PARP8: variants seen among roughly 807,000 people sequenced by gnomAD.
PARP8 encodes protein mono-ADP-ribosyltransferase PARP8.
In PARP8, 51 loss-of-function variants were observed where a neutral mutation model predicts 124.1. The ratio of observed to expected loss-of-function variants is 0.41; its 90% confidence interval spans 0.33 to 0.52. The LOEUF (loss-of-function observed/expected upper bound fraction) is 0.52. PARP8 is among the 20% of genes least tolerant of loss of function. The probability of loss-of-function intolerance (pLI) is 0.21; values close to 1 mark genes in which losing one functional copy is unlikely to be tolerated. For missense variants in PARP8, 860 were observed against 1,018.9 expected, an observed-to-expected ratio of 0.84 and a Z score of 2.12; for synonymous variants, 391 against 361.5, an observed-to-expected ratio of 1.08 and a Z score of -0.93.
chr5:50,691,544 C>T (rs565193792), intron 2 of PARP8, among the ~76,000 whole-genome samples: 13 of 152,276 alleles, frequency 8.5e-5, no homozygotes, highest in African/African-American at 2.9e-4. Context: ...AATTTAATGA[C>T]ACCTTCTGTT....
intron 18 of PARP8, 53 bp downstream of exon 18, chr5:50,825,028 T>G: frequency 3.5e-6 from 5 of 1,430,380 alleles, no homozygotes; most frequent in Non-Finnish European, 3.9e-6. Context: ...TTCTACTGCT[T>G]GATTTAAGGA....
intron 7 of PARP8, among the ~76,000 whole-genome samples, chr5:50,764,450 G>A (rs1426586802): frequency 6.6e-6 from 1 of 152,132 alleles, no homozygotes; most frequent in East Asian, 1.9e-4. Flanking sequence ...ATTTCAATTG[G>A]GAAGTATGGC....
intron 14 of PARP8, among the ~76,000 whole-genome samples, chr5:50,810,766 C>A (rs1744348075): frequency 6.6e-6 from 1 of 151,956 alleles, no homozygotes; most frequent in African/African-American, 2.4e-5. Flanking sequence ...AAACTAAAGT[C>A]ATTTACGTCT....
At chr5:50,763,700 A>G (rs1760783198) in intron 7 of PARP8, among the ~76,000 whole-genome samples, 1 of 150,272 alleles carries the variant, frequency 6.7e-6, no homozygotes, top group Admixed American at 6.7e-5. Flanking sequence ...TTCTGTAGTT[A>G]CCTAATATAT....
At chr5:50,716,324 A>G (rs1755313733) in intron 2 of PARP8, among the ~76,000 whole-genome samples, 1 of 152,134 alleles carries the variant, frequency 6.6e-6, no homozygotes, top group African/African-American at 2.4e-5. Context: ...GAGTTTAATG[A>G]TCTAATTGGC....
chr5:50,761,979 G>C, intron 6 of PARP8, 81 bp downstream of exon 6: 2 of 813,484 alleles, frequency 2.5e-6, no homozygotes. Context: ...GTGCCTGAGA[G>C]TTAAGGGACC....
chr5:50,667,724 C>A (rs1270137766), intron 1 of PARP8: 6 of 701,434 alleles, frequency 8.6e-6, no homozygotes, highest in Non-Finnish European at 1.6e-5. Flanking sequence ...TCCCAAGGCA[C>A]CCAGCGCCCC....
chr5:50,689,603 T>C (rs1425507594), intron 2 of PARP8, among the ~76,000 whole-genome samples: 3 of 152,226 alleles, frequency 2.0e-5, no homozygotes, highest in African/African-American at 7.2e-5. Context: ...ACATTAGTCA[T>C]GTATACCTGA....
chr5:50,782,461 G>A (rs1305209450), intron 9 of PARP8, among the ~76,000 whole-genome samples: 10 of 152,248 alleles, frequency 6.6e-5, no homozygotes, highest in South Asian at 4.1e-4. Context: ...TATAATATAT[G>A]AATAGAACTG....
At chr5:50,710,149 A>G (rs1420351022) in intron 2 of PARP8, among the ~76,000 whole-genome samples, 1 of 151,688 alleles carries the variant, frequency 6.6e-6, no homozygotes, top group Non-Finnish European at 1.5e-5. Context: ...TTGTGCTTTC[A>G]TTTTATTACA....
intron 21 of PARP8, among the ~76,000 whole-genome samples, chr5:50,829,482 G>A (rs982033964): frequency 6.6e-6 from 1 of 152,118 alleles, no homozygotes; most frequent in African/African-American, 2.4e-5. Context: ...AATGTAACAG[G>A]ATAAGAACAG....
intron 2 of PARP8, among the ~76,000 whole-genome samples, chr5:50,701,847 C>T (rs1460184516): frequency 6.6e-6 from 1 of 151,992 alleles, no homozygotes; most frequent in Non-Finnish European, 1.5e-5. Context: ...AGAAATTCTT[C>T]GTTTCTTATT....
At position 50,837,997 on chromosome 5, in the gene PARP8, C is replaced by T. The variant is rs145107801; in HGVS notation, c.2462+2982C>T. Among the ~76,000 whole-genome samples the T allele has an allele frequency of 6.7e-3, 1,010 of 150,322 alleles. 9 individuals are homozygous for T. Among genetic ancestry groups the T allele is most frequent in the Non-Finnish European group, 7.6e-3 (511 of 67,248 alleles). ...ACCTTGAAACGCATGTGTACTAGGA[C>T]ATTGAGACCCATATGTAGAAATTAG... On this transcript the variant is annotated intron_variant, in intron 25 of 25. Transcript: ENST00000281631.
intron 10 of PARP8, among the ~76,000 whole-genome samples, chr5:50,792,854 A>T (rs1463854534): frequency 6.6e-6 from 1 of 152,144 alleles, no homozygotes; most frequent in Non-Finnish European, 1.5e-5. Flanking sequence ...TTCTGAATTT[A>T]TCAAAACTAG....
Position 50,778,499 on chromosome 5 carries a change from T to G in PARP8, c.580-61T>G, listed in dbSNP as rs999516724. On this transcript the variant is annotated intron_variant, in intron 8 of 25. Coordinates refer to ENST00000281631, the MANE Select transcript of PARP8 (RefSeq NM_024615.4). ...ACACAAGTTTTAAAAGTTTGTGTGT[T>G]TTTTTTTTCATTTTGAACTCTAAAA... 88 of 1,410,622 alleles carry G rather than the reference T, an allele frequency of 6.2e-5. No individual in the cohort carries two copies. The African/African-American group carries it at 9.7e-4, about 16-fold the overall frequency. 87.4% of individuals were successfully genotyped at this position (1,410,622 alleles called of 1,614,324 possible). A position where few individuals can be genotyped will look rare whatever the true frequency, so the allele number is the denominator to read the frequency against.
chr5:50,697,703 T>C (rs1579995245), intron 2 of PARP8, among the ~76,000 whole-genome samples: 1 of 152,100 alleles, frequency 6.6e-6, no homozygotes, highest in African/African-American at 2.4e-5. Flanking sequence ...AGCGGCAGGG[T>C]CTTGCTTTGT....
In PARP8 at chr5:50,843,180, A is replaced by G. The variant is rs1381801058; in HGVS notation, c.*1112A>G. 1.3e-5 allele frequency: 2 copies of G among 151,762 alleles called. No homozygotes were observed. Among genetic ancestry groups the G allele is most frequent in the African/African-American group, 2.4e-5 (1 of 41,378 alleles). 9.4% of individuals were successfully genotyped at this position (151,762 alleles called of 1,614,324 possible). A position where few individuals can be genotyped will look rare whatever the true frequency, so the allele number is the denominator to read the frequency against. On this transcript the variant is annotated 3_prime_UTR_variant, in exon 26 of 26. Coordinates refer to ENST00000281631, the MANE Select transcript of PARP8 (RefSeq NM_024615.4). ...ACCAGCTCTCAGCATTTCCTTTTCA[A>G]GAGTCATAATTTCATCAAAATCATT...
chr5:50,818,513 A>G (rs900122308), intron 15 of PARP8, among the ~76,000 whole-genome samples: 1 of 152,140 alleles, frequency 6.6e-6, no homozygotes, highest in Non-Finnish European at 1.5e-5. Flanking sequence ...TACAGGCATG[A>G]GCCACCATGC....
Position 50,827,979 on chromosome 5 carries a change from T to A in PARP8, c.2013T>A (p.Leu671=), listed in dbSNP as rs766516418. ...LKFMHTPHQF[L]LLSSPPAKES... is the part of the protein sequence containing the mutation. ...TTATGCATACTCCACATCAGTTCCT[T>A]CTTCTCAGCAGTCCACCAGCCAAAG... The change falls in exon 20 of 26, where the codon CTT becomes CTA. Residue 671 remains leucine, a synonymous_variant. Coordinates refer to ENST00000281631, the MANE Select transcript of PARP8 (RefSeq NM_024615.4). 2 of 1,613,648 alleles carry A rather than the reference T, an allele frequency of 1.2e-6. No homozygotes were observed. The highest frequency in any genetic ancestry group is 3.3e-5 in the Admixed American group (2 of 59,950).
Sources: allele counts gnomAD v4.1 joint callset (sites outside exome capture counted in the v4.1 genomes callset), GRCh38; gene constraint gnomAD v4.1.1; transcripts MANE v1.5; gene names NCBI Gene and HGNC (gene_info 2026-07-23, HGNC 2026-07-21).